Variants in RALGAPB observed in about 807,000 individuals in gnomAD.
RALGAPB encodes Ral GTPase activating protein non-catalytic subunit beta, also known as ral GTPase-activating protein subunit beta.
RALGAPB carries 25 observed loss-of-function variants against 161.1 expected under a neutral mutation model. The ratio of observed to expected loss-of-function variants is 0.16; its 90% CI spans 0.11 to 0.22. RALGAPB has a LOEUF of 0.22. Ranked by LOEUF, RALGAPB falls within the 10% of genes least tolerant of loss-of-function variation. RALGAPB has a pLI of 1.00. For synonymous variants in RALGAPB, 629 were observed against 626.1 expected (o/e 1.00, Z -0.07); for missense variants, 1,391 against 1,815.2 (o/e 0.77, Z 4.25).
At chr20:38,551,026 G>GT in intron 20 of RALGAPB, 45 bp from the exon 21 acceptor site, 2 of 1,593,254 alleles carry the variant, frequency 1.3e-6, no homozygotes, top group Non-Finnish European at 1.7e-6. Context: ...TTACAGATGG[G>GT]TATTGGACCC....
At chr20:38,482,321 A>G (rs535678762) in intron 1 of RALGAPB, among the ~76,000 whole-genome samples, 7 of 152,158 alleles carry the variant, frequency 4.6e-5, no homozygotes, top group African/African-American at 1.7e-4. Flanking sequence ...AAGAAAATCC[A>G]TATGTAAGTG....
chr20:38,562,793 A>G (rs925245963), intron 24 of RALGAPB, 96 bp downstream of exon 24: 2 of 1,363,142 alleles, frequency 1.5e-6, no homozygotes, highest in African/African-American at 3.0e-5. Flanking sequence ...CTTGTTAAAA[A>G]TACAAAACCA....
At chr20:38,528,800 C>G (rs1214432044) in intron 13 of RALGAPB, among the ~76,000 whole-genome samples, 3 of 152,098 alleles carry the variant, frequency 2.0e-5, no homozygotes, top group Non-Finnish European at 2.9e-5. Context: ...TCCACCTCAC[C>G]CTCCTGAGTA....
At chr20:38,557,900 C>T (rs1455258745) in intron 22 of RALGAPB, among the ~76,000 whole-genome samples, 1 of 152,190 alleles carries the variant, frequency 6.6e-6, no homozygotes, top group African/African-American at 2.4e-5. Flanking sequence ...TGTGCAGTTG[C>T]TGCATTGCAT....
chr20:38,517,744 T>C lies in RALGAPB; in HGVS notation c.1201-40T>C, dbSNP rs751163564. 5 of 1,604,978 alleles carry C rather than the reference T, an allele frequency of 3.1e-6. No homozygotes were observed. The African/African-American group carries it at 5.4e-5, about 17-fold the overall frequency. ...ATAAAGTCTTGCTATTTTCTCAGAC[T>C]TTTCATTGGTATGGGTGTATTCTTG... On this transcript the variant is annotated intron_variant, in intron 8 of 29. Coordinates refer to ENST00000262879, the MANE Select transcript of RALGAPB (RefSeq NM_020336.4).
intron 22 of RALGAPB, among the ~76,000 whole-genome samples, chr20:38,556,420 A>G (rs1436006489): frequency 1.3e-5 from 2 of 152,164 alleles, no homozygotes; most frequent in African/African-American, 4.8e-5. Flanking sequence ...ATGAGAAGAC[A>G]GTTTGTAGGT....
At chr20:38,552,090 G>A (rs994609801) in intron 21 of RALGAPB, among the ~76,000 whole-genome samples, 2 of 151,882 alleles carry the variant, frequency 1.3e-5, no homozygotes, top group African/African-American at 4.8e-5. Flanking sequence ...GTACAGAATG[G>A]GTAATATTAT....
chr20:38,530,272 T>C (rs2086614471), intron 13 of RALGAPB, among the ~76,000 whole-genome samples: 1 of 152,220 alleles, frequency 6.6e-6, no homozygotes, highest in African/African-American at 2.4e-5. Flanking sequence ...GGCTACAAAA[T>C]GATTACAGTA....
intron 22 of RALGAPB, among the ~76,000 whole-genome samples, chr20:38,556,804 C>G (rs1386933694): frequency 6.6e-6 from 1 of 151,900 alleles, no homozygotes; most frequent in Non-Finnish European, 1.5e-5. Context: ...GTCCACAGTT[C>G]CTTTTCCATG....
At chr20:38,518,236 A>G (rs1034294319) in intron 9 of RALGAPB, among the ~76,000 whole-genome samples, 7 of 152,192 alleles carry the variant, frequency 4.6e-5, no homozygotes, top group African/African-American at 1.7e-4. Flanking sequence ...TTTATTAGAC[A>G]TACTTAAGGT....
At position 38,576,681 on chromosome 20, in the gene RALGAPB, C is replaced by A. The variant is rs995620929; in HGVS notation, c.*1714C>A. 2 of 152,474 alleles carry A rather than the reference C, an allele frequency of 1.3e-5. No homozygotes were observed. Among genetic ancestry groups the A allele is most frequent in the Non-Finnish European group, 2.9e-5 (2 of 68,028 alleles). The allele number at this position is 152,474 out of a possible 1,614,324, so 9.4% of individuals were successfully genotyped here. A position where few individuals can be genotyped will look rare whatever the true frequency, so the allele number is the denominator to read the frequency against. On this transcript the variant is annotated 3_prime_UTR_variant, in exon 30 of 30. Coordinates refer to ENST00000262879, the MANE Select transcript of RALGAPB (RefSeq NM_020336.4). ...AGAGGGCATATAGGATAAAGATGAGCAAATTCTACCCTAAAAATGTTCTAG... is the reference window on the plus strand; with the variant it reads ...AGAGGGCATATAGGATAAAGATGAGAAAATTCTACCCTAAAAATGTTCTAG...
rs1486868659 is a variant in RALGAPB at position 38,521,711 on chromosome 20, T to A, written c.1619+13T>A. Reference sequence around the variant, plus strand: ...CTTATTTATCCAGGTCTTGGAATTTTTGTTTGTTTTTTCATTTATATAGTT... The same window carrying A: ...CTTATTTATCCAGGTCTTGGAATTTATGTTTGTTTTTTCATTTATATAGTT... On this transcript the variant is annotated intron_variant, in intron 10 of 29. Transcript: ENST00000262879. The A allele has an allele frequency of 1.2e-6, 2 of 1,611,828 alleles. No homozygotes were observed. The highest frequency in any genetic ancestry group is 2.7e-5 in the African/African-American group (2 of 74,638).
At chr20:38,566,643 G>C (rs2088010712) in intron 25 of RALGAPB, among the ~76,000 whole-genome samples, 1 of 152,190 alleles carries the variant, frequency 6.6e-6, no homozygotes, top group South Asian at 2.1e-4. Flanking sequence ...ACAGAGACTA[G>C]ATCTTCTGTA....
intron 2 of RALGAPB, among the ~76,000 whole-genome samples, chr20:38,489,267 T>C (rs1187324557): frequency 6.6e-6 from 1 of 152,150 alleles, no homozygotes; most frequent in African/African-American, 2.4e-5. Flanking sequence ...CCTCAGTCTC[T>C]CTGGGCTCAA....
chr20:38,563,446 T>G (rs1022753527), intron 24 of RALGAPB, among the ~76,000 whole-genome samples: 1 of 152,238 alleles, frequency 6.6e-6, no homozygotes. Context: ...ACCTTTGTAG[T>G]AAACAGCTGA....
In RALGAPB at chr20:38,567,596, G is replaced by A. The variant is rs531400501; in HGVS notation, c.3954+364G>A. On this transcript the variant is annotated intron_variant, in intron 26 of 29. Transcript: ENST00000262879. ...TGCAATGTTCATCTTAAACAAGTCTGACCATATAAAAATAGGAACATTAGG... is the reference window on the plus strand; with the variant it reads ...TGCAATGTTCATCTTAAACAAGTCTAACCATATAAAAATAGGAACATTAGG... Among the ~76,000 whole-genome samples, 250 of 152,252 alleles carry A rather than the reference G, an allele frequency of 1.6e-3. 1 individual carries two copies. Among genetic ancestry groups the A allele is most frequent in the African/African-American group, 5.8e-3 (242 of 41,550 alleles).
Position 38,497,369 on chromosome 20 carries a change from A to G in RALGAPB, c.406A>G (p.Ser136Gly), listed in dbSNP as rs994111435. ...CTTCTTCAGACAGGAACAGGGTTCC[A>G]GTCAGATTCGACTATGCTTACAGGT... ...LFVPRQEQGS[S>G]QIRLCLQVLR... The change falls in exon 4 of 30, where the codon AGT (serine) becomes GGT (glycine). Residue 136 changes from serine to glycine, a missense_variant. Around this residue, in one of 3 missense-constraint regions of RALGAPB, gnomAD observed 946 missense variants for 1,257.2 expected, o/e 0.75. Transcript: ENST00000262879. The G allele has an allele frequency of 8.7e-6, 14 of 1,613,824 alleles. No homozygotes were observed. Among genetic ancestry groups the G allele is most frequent in the Admixed American group, 1.7e-5 (1 of 59,990 alleles).
Position 38,578,773 on chromosome 20 carries a change from A to G in RALGAPB, c.*3806A>G, listed in dbSNP as rs1194174888. 1.3e-5 allele frequency: 2 copies of G among 152,600 alleles called. No homozygotes were observed. The highest frequency in any genetic ancestry group is 1.9e-4 in the East Asian group (1 of 5,196). The allele number at this position is 152,600 out of a possible 1,614,324, so 9.5% of individuals were successfully genotyped here. A position where few individuals can be genotyped will look rare whatever the true frequency, so the allele number is the denominator to read the frequency against. On this transcript the variant is annotated 3_prime_UTR_variant, in exon 30 of 30. Coordinates refer to ENST00000262879, the MANE Select transcript of RALGAPB (RefSeq NM_020336.4). ...AAGGTCCAGAGGTTTGTTTGTATTT[A>G]TGCCGATCCTTTGTCCAGAAGAAGC...
intron 2 of RALGAPB, among the ~76,000 whole-genome samples, chr20:38,490,497 C>T (rs1415182094): frequency 9.6e-5 from 14 of 146,464 alleles, no homozygotes; most frequent in East Asian, 4.2e-4. Context: ...CGTGAGCCAC[C>T]GCGCCCGGCC....
Sources: gnomAD v4.1 joint callset for allele counts (sites outside exome capture counted in the v4.1 genomes callset) on GRCh38, gnomAD v4.1.1 for gene constraint, gnomAD v4.1.1 regional missense constraint, MANE v1.5 for transcripts, NCBI Gene and HGNC (gene_info 2026-07-23, HGNC 2026-07-21) for gene names.